Variants in NXN observed in about 807,000 individuals in gnomAD.
NXN encodes the protein nucleoredoxin 1.
A neutral mutation model predicts 48.6 loss-of-function variants in NXN; 16 were observed. The ratio of observed to expected loss-of-function variants is 0.33; its 90% confidence interval spans 0.22 to 0.50. The LOEUF is 0.50. Among genes scored for constraint, NXN ranks in the 20% least tolerant of loss-of-function variants. The pLI is 0.98. For synonymous variants in NXN, 281 were observed against 269.6 expected, an observed-to-expected ratio of 1.04 and a Z score of -0.41; for missense variants, 492 against 605.5, an observed-to-expected ratio of 0.81 and a Z score of 1.97.
At position 920,660 on chromosome 17, in the gene NXN, A is replaced by G. The variant is rs2068740180; in HGVS notation, c.360+58659T>C. ...CCAGGACGTTCTCAATGAGGTCTTCATTCATACCGCCTTGCCAATCGCCCT... is the reference window on the plus strand; with the variant it reads ...CCAGGACGTTCTCAATGAGGTCTTCGTTCATACCGCCTTGCCAATCGCCCT... On this transcript the variant is annotated intron_variant, in intron 1 of 7. Transcript: ENST00000336868. This position sits in a 1 kb window ranked among gnomAD's most constrained non-coding sequence, Gnocchi z 4.6. 6.6e-6 allele frequency among the ~76,000 whole-genome samples: 1 copy of G among 151,652 alleles called. No homozygotes were observed. The highest frequency in any genetic ancestry group is 6.6e-5 in the Admixed American group (1 of 15,198).
At chr17:823,232 C>G (rs1463619486) in intron 3 of NXN, among the ~76,000 whole-genome samples, 1 of 152,122 alleles carries the variant, frequency 6.6e-6, no homozygotes, top group Non-Finnish European at 1.5e-5. Flanking sequence ...AACCCTGTCT[C>G]TATTAAAAAT....
chr17:827,275 G>A (rs1453522188), intron 1 of NXN, among the ~76,000 whole-genome samples: 3 of 151,592 alleles, frequency 2.0e-5, no homozygotes, highest in Admixed American at 6.6e-5. Flanking sequence ...TCAGGAGATC[G>A]AGACCATCCT....
intron 1 of NXN, among the ~76,000 whole-genome samples, chr17:865,378 G>A (rs960102975): frequency 6.6e-6 from 1 of 151,952 alleles, no homozygotes; most frequent in South Asian, 2.1e-4. Flanking sequence ...GCATAGCTGG[G>A]ATTACAGGCA....
chr17:951,849 A>C (rs1179784455), intron 1 of NXN, among the ~76,000 whole-genome samples: 2 of 152,080 alleles, frequency 1.3e-5, no homozygotes, highest in Admixed American at 6.6e-5. Flanking sequence ...GCAGGAAAGC[A>C]ATGAGCTCGG....
rs538074053 is a variant in NXN, at chr17:908,831, C to T, written c.360+70488G>A. On this transcript the variant is annotated intron_variant, in intron 1 of 7. Coordinates refer to ENST00000336868, the MANE Select transcript of NXN (RefSeq NM_022463.5). ...TTAATAATACACTCCCGGCTGGGTG[C>T]GGTGGCTCACACCTGTAATCCCAGC... Among the ~76,000 whole-genome samples the T allele has an allele frequency of 1.7e-3, 256 of 152,046 alleles. 6 individuals carry two copies. The South Asian group carries it at 0.043, about 25-fold the overall frequency.
intron 1 of NXN, among the ~76,000 whole-genome samples, chr17:899,396 A>G (rs1037383666): frequency 6.6e-6 from 1 of 152,314 alleles, no homozygotes; most frequent in Non-Finnish European, 1.5e-5. Context: ...ACCCTGAGAG[A>G]GACACCTGGA....
chr17:890,278 T>C (rs912353288), intron 1 of NXN, among the ~76,000 whole-genome samples: 2 of 152,198 alleles, frequency 1.3e-5, no homozygotes, highest in East Asian at 1.9e-4. Context: ...TAATTAAAGT[T>C]TGAATAAAAT....
chr17:842,555 G>C, intron 1 of NXN: 1 of 985,400 alleles, frequency 1.0e-6, no homozygotes, highest in Non-Finnish European at 1.2e-6. Context: ...GGCACCTACG[G>C]CACATCCCGA....
chr17:951,942 G>A (rs897720256), intron 1 of NXN, among the ~76,000 whole-genome samples: 18 of 152,236 alleles, frequency 1.2e-4, no homozygotes, highest in African/African-American at 4.3e-4. Flanking sequence ...TGGAAACCAG[G>A]GCCACGCAGC....
chr17:948,381 T>C (rs962594012), intron 1 of NXN, among the ~76,000 whole-genome samples: 5 of 151,088 alleles, frequency 3.3e-5, no homozygotes, highest in African/African-American at 1.2e-4. Flanking sequence ...AAGAAGAAAA[T>C]AATAAAGTAA....
At chr17:854,226 C>T (rs928790318) in intron 1 of NXN, among the ~76,000 whole-genome samples, 1 of 152,212 alleles carries the variant, frequency 6.6e-6, no homozygotes, top group Non-Finnish European at 1.5e-5. Flanking sequence ...ACCGTACTCG[C>T]TCTTCTCACT....
intron 1 of NXN, among the ~76,000 whole-genome samples, chr17:844,861 G>A (rs914408337): frequency 6.6e-6 from 1 of 152,056 alleles, no homozygotes; most frequent in Non-Finnish European, 1.5e-5. Context: ...GGGATTACAG[G>A]CATGAGCCAC....
At chr17:808,738 G>A (rs540573957) in intron 5 of NXN, among the ~76,000 whole-genome samples, 6 of 149,322 alleles carry the variant, frequency 4.0e-5, no homozygotes, top group South Asian at 2.1e-4. Context: ...GCAATGGTGC[G>A]ATCTCAGCTC....
intron 1 of NXN, among the ~76,000 whole-genome samples, chr17:955,397 T>A (rs906205167): frequency 6.6e-6 from 1 of 150,692 alleles, no homozygotes; most frequent in Non-Finnish European, 1.5e-5. Context: ...CTCGAACTCC[T>A]GACCTCAGGT....
chr17:870,907 G>A (rs1360502785), intron 1 of NXN, among the ~76,000 whole-genome samples: 2 of 152,044 alleles, frequency 1.3e-5, no homozygotes, highest in Admixed American at 6.6e-5. Context: ...CGCCCAGGCT[G>A]GAGTGCAGTG....
Position 949,864 on chromosome 17 carries a change from A to T in NXN, c.360+29455T>A, listed in dbSNP as rs1460798727. ...GTGGGGGCTGGGGTGGGAAGACGCCATGCATTGTTCAGCCCCAGCATCTGC... is the reference window on the plus strand; with the variant it reads ...GTGGGGGCTGGGGTGGGAAGACGCCTTGCATTGTTCAGCCCCAGCATCTGC... On this transcript the variant is annotated intron_variant, in intron 1 of 7. Coordinates refer to ENST00000336868, the MANE Select transcript of NXN (RefSeq NM_022463.5). Among the ~76,000 whole-genome samples, 6 of 151,396 alleles carry T rather than the reference A, an allele frequency of 4.0e-5. No homozygotes were observed. In the East Asian group the frequency reaches 1.2e-3, roughly 30 times the overall value.
intron 1 of NXN, among the ~76,000 whole-genome samples, chr17:832,272 G>C (rs952618567): frequency 6.6e-6 from 1 of 151,868 alleles, no homozygotes; most frequent in Admixed American, 6.6e-5. Flanking sequence ...CCGCCTCCCA[G>C]GTTCACACCA....
chr17:976,175 T>C (rs559418492), intron 1 of NXN, among the ~76,000 whole-genome samples: 9 of 144,040 alleles, frequency 6.2e-5, no homozygotes, highest in Non-Finnish European at 1.4e-4. Flanking sequence ...AGAATGTTTT[T>C]TTACATTTTT....
At chr17:912,071 G>C (rs2144925755) in intron 1 of NXN, among the ~76,000 whole-genome samples, 1 of 151,878 alleles carries the variant, frequency 6.6e-6, no homozygotes, top group South Asian at 2.1e-4. Flanking sequence ...CCAAGTAGCA[G>C]GGATTACAGG....
Sources: gnomAD v4.1 joint callset for allele counts (sites outside exome capture counted in the v4.1 genomes callset) on GRCh38, gnomAD v4.1.1 for gene constraint, Gnocchi (gnomAD v3.1) non-coding constraint, MANE v1.5 for transcripts, NCBI Gene and HGNC (gene_info 2026-07-23, HGNC 2026-07-21) for gene names.